MRPS35: variants seen among roughly 807,000 people sequenced by gnomAD.
MRPS35 encodes the protein mitochondrial ribosomal protein S35.
In MRPS35, 29 loss-of-function variants were observed where a neutral mutation model predicts 32.7. The ratio of observed to expected loss-of-function variants is 0.89; its 90% CI spans 0.66 to 1.21. MRPS35 has a LOEUF of 1.21. MRPS35 is among the 50% of genes most tolerant of loss of function. The probability of loss-of-function intolerance (pLI) is 0.00; values close to 1 mark genes in which losing one functional copy is unlikely to be tolerated. For missense variants in MRPS35, 373 were observed against 383.8 expected, an observed-to-expected ratio of 0.97 and a Z score of 0.23; for synonymous variants, 148 against 139.3, an observed-to-expected ratio of 1.06 and a Z score of -0.44.
chr12:27,755,095 AAAG>A lies in MRPS35; in HGVS notation c.703-80_703-78del, dbSNP rs981829971. On this transcript the variant is annotated intron_variant, in intron 7 of 7. Transcript: ENST00000081029. ...TCCCTTAAAAAGGAAGGAAAAAAAAAAAGAAGAAAGAAAGGAAGAAACAAACAA... is the reference window on the plus strand; with the variant it reads ...TCCCTTAAAAAGGAAGGAAAAAAAAAAAGAAAGAAAGGAAGAAACAAACAA... The A allele has an allele frequency of 2.7e-5, 38 of 1,422,096 alleles. No homozygotes were observed. The Middle Eastern group carries it at 1.0e-3, about 38-fold the overall frequency. The allele number at this position is 1,422,096 out of a possible 1,614,324, so 88.1% of individuals were successfully genotyped here.
intron 7 of MRPS35, among the ~76,000 whole-genome samples, chr12:27,740,812 T>C (rs2061961737): frequency 6.6e-6 from 1 of 152,228 alleles, no homozygotes; most frequent in South Asian, 2.1e-4. Flanking sequence ...GGCTTAATAC[T>C]GCCTCAAAGA....
chr12:27,751,489 T>G (rs1257158710), intron 7 of MRPS35, among the ~76,000 whole-genome samples: 2 of 152,156 alleles, frequency 1.3e-5, no homozygotes, highest in Non-Finnish European at 2.9e-5. Context: ...AGCTCTCTTA[T>G]GAACAGCTTT....
rs546547812 is a variant in MRPS35 at position 27,713,322 on chromosome 12, A to G, written c.113-1458A>G. ...TAGATGTAGGATAGGATAGATGTAG[A>G]TGTAGATATATAGACATATGATGGG... On this transcript the variant is annotated intron_variant, in intron 1 of 7. Transcript: ENST00000081029. 2.6e-5 allele frequency among the ~76,000 whole-genome samples: 4 copies of G among 152,280 alleles called. No individual in the cohort carries two copies. In the South Asian group the frequency reaches 8.3e-4, roughly 32 times the overall value.
chr12:27,734,806 A>G (rs188773674), intron 5 of MRPS35, among the ~76,000 whole-genome samples: 6 of 152,290 alleles, frequency 3.9e-5, no homozygotes, highest in African/African-American at 4.8e-5. Flanking sequence ...AAAAAACCCA[A>G]TTTACCTCGG....
intron 7 of MRPS35, among the ~76,000 whole-genome samples, chr12:27,740,934 A>AG (rs2061962334): frequency 6.6e-6 from 1 of 152,134 alleles, no homozygotes; most frequent in African/African-American, 2.4e-5. Flanking sequence ...TGGGAGGCAA[A>AG]GGCAGGCGGA....
At chr12:27,741,477 G>A (rs2061964621) in intron 7 of MRPS35, among the ~76,000 whole-genome samples, 1 of 152,082 alleles carries the variant, frequency 6.6e-6, no homozygotes, top group Non-Finnish European at 1.5e-5. Flanking sequence ...ATAATAAAAT[G>A]AGGAAAGATT....
intron 5 of MRPS35, among the ~76,000 whole-genome samples, chr12:27,729,715 T>C (rs1316847539): frequency 6.6e-6 from 1 of 152,170 alleles, no homozygotes; most frequent in East Asian, 1.9e-4. Context: ...AGTGTATCAT[T>C]CTTTTATTCT....
chr12:27,728,188 T>G (rs972519018), intron 5 of MRPS35, among the ~76,000 whole-genome samples: 3 of 152,090 alleles, frequency 2.0e-5, no homozygotes, highest in African/African-American at 7.3e-5. Flanking sequence ...AAGACTATTC[T>G]TTCCCATTGA....
chr12:27,743,252 G>T (rs532431257), intron 7 of MRPS35, among the ~76,000 whole-genome samples: 40 of 151,978 alleles, frequency 2.6e-4, no homozygotes, highest in Admixed American at 1.3e-4. Flanking sequence ...TGTTGGCTGG[G>T]CACGGTGGCT....
At chr12:27,726,008 C>T (rs1354502962) in intron 5 of MRPS35, among the ~76,000 whole-genome samples, 2 of 145,264 alleles carry the variant, frequency 1.4e-5, no homozygotes, top group African/African-American at 5.0e-5. Flanking sequence ...CAGGGTTTTG[C>T]CATGATGCCC....
chr12:27,741,818 A>C (rs2061965447), intron 7 of MRPS35, among the ~76,000 whole-genome samples: 2 of 152,242 alleles, frequency 1.3e-5, no homozygotes, highest in South Asian at 4.1e-4. Flanking sequence ...ATCAAATTTC[A>C]GAGATTCATG....
intron 7 of MRPS35, among the ~76,000 whole-genome samples, chr12:27,750,545 G>C (rs2061997709): frequency 6.6e-6 from 1 of 152,188 alleles, no homozygotes; most frequent in African/African-American, 2.4e-5. Context: ...GCTCACACCT[G>C]TAATCCTAAC....
At chr12:27,748,164 T>A (rs867037189) in intron 7 of MRPS35, among the ~76,000 whole-genome samples, 6 of 152,216 alleles carry the variant, frequency 3.9e-5, no homozygotes, top group African/African-American at 1.2e-4. Flanking sequence ...CTTTCCGGCT[T>A]CAAGGCCTTT....
At chr12:27,723,526 A>G (rs2061885815) in intron 4 of MRPS35, among the ~76,000 whole-genome samples, 1 of 152,198 alleles carries the variant, frequency 6.6e-6, no homozygotes, top group Admixed American at 6.5e-5. Context: ...AGGCATTTGT[A>G]CCTGTTTGAG....
Position 27,735,436 on chromosome 12 carries a change from T to G in MRPS35, c.523-11T>G, listed in dbSNP as rs1215671332. 6.4e-7 allele frequency: 1 copy of G among 1,567,362 alleles called. No individual in the cohort carries two copies. The highest frequency in any genetic ancestry group is 1.2e-5 in the South Asian group (1 of 84,756). ...AAATTATTTTTTCAAATAACTTTTC[T>G]TATTTTTAAGGTAAAGCTTTCCAGT... is the stretch of plus-strand genomic sequence containing the variant. On this transcript the variant is annotated splice_polypyrimidine_tract_variant and intron_variant, in intron 5 of 7. Coordinates refer to ENST00000081029, the MANE Select transcript of MRPS35 (RefSeq NM_021821.4).
At chr12:27,738,355 T>C (rs2140773807) in intron 7 of MRPS35, among the ~76,000 whole-genome samples, 1 of 152,314 alleles carries the variant, frequency 6.6e-6, no homozygotes, top group Non-Finnish European at 1.5e-5. Flanking sequence ...TCCATTTGTG[T>C]GTCATATCAG....
At chr12:27,716,571 A>G in intron 3 of MRPS35, 113 bp downstream of exon 3, 1 of 961,742 alleles carries the variant, frequency 1.0e-6, no homozygotes, top group East Asian at 2.7e-5. Flanking sequence ...AGCTTAGTGT[A>G]TTTTAATTTA....
intron 4 of MRPS35, among the ~76,000 whole-genome samples, chr12:27,721,672 T>A (rs568686652): frequency 2.8e-3 from 424 of 152,088 alleles, no homozygotes; most frequent in Non-Finnish European, 5.0e-3. Flanking sequence ...TAAAAAAAAA[T>A]AAAATAAAAT....
In MRPS35 at chr12:27,716,388, C is replaced by G; in HGVS notation, c.251C>G (p.Pro84Arg). ...APFKPSAVPL[P>R]VRMGYPVKKG... Reference sequence around the variant, plus strand: ...TTTAAACCCTCTGCAGTACCTCTTCCTGTTCGAATGGGTTATCCAGTAAAA... The same window carrying G: ...TTTAAACCCTCTGCAGTACCTCTTCGTGTTCGAATGGGTTATCCAGTAAAA... Residue 84 changes from proline (P) to arginine (R), a missense_variant, in exon 3 of 8, where the codon CCT (proline) becomes CGT (arginine). By Grantham distance (103) the Pro-to-Arg change is moderately radical. Transcript: ENST00000081029. 6.2e-7 allele frequency: 1 copy of G among 1,614,148 alleles called. No homozygotes were observed. The highest frequency in any genetic ancestry group is 8.5e-7 in the Non-Finnish European group (1 of 1,180,028).
Sources: allele counts gnomAD v4.1 joint callset (sites outside exome capture counted in the v4.1 genomes callset), GRCh38; gene constraint gnomAD v4.1.1; transcripts MANE v1.5; gene names NCBI Gene and HGNC (gene_info 2026-07-23, HGNC 2026-07-21).